PRORP: variants seen among roughly 807,000 people sequenced by gnomAD.
PRORP encodes mitochondrial ribonuclease P catalytic subunit.
Under a neutral mutation model 59.4 loss-of-function variants are expected in PRORP, and 51 were observed. That is an observed-to-expected ratio of 0.86 (90% confidence interval 0.69 to 1.08). PRORP has a LOEUF of 1.08. Ranked by LOEUF, PRORP falls within the 50% of genes least tolerant of loss-of-function variation. The pLI is 0.00. For missense variants in PRORP, 646 were observed against 690.3 expected, an observed-to-expected ratio of 0.94 and a Z score of 0.72; for synonymous variants, 231 against 245.6, an observed-to-expected ratio of 0.94 and a Z score of 0.55.
intron 4 of PRORP, among the ~76,000 whole-genome samples, chr14:35,165,702 CAG>C (rs924042386): frequency 1.3e-5 from 2 of 151,232 alleles, no homozygotes; most frequent in African/African-American, 4.9e-5. Context: ...TTTTTGGAGA[CAG>C]AGTCTTGCTC....
At chr14:35,180,587 A>C (rs781597834) in intron 4 of PRORP, 83 bp from the exon 5 acceptor site, 1 of 720,224 alleles carries the variant, frequency 1.4e-6, no homozygotes. Flanking sequence ...TTATCAAAAC[A>C]ATAATAAAGG....
At position 35,127,516 on chromosome 14, in the gene PRORP, A is replaced by G. The variant is rs1324647189; in HGVS notation, c.1072A>G (p.Ile358Val). 6.2e-7 allele frequency: 1 copy of G among 1,613,036 alleles called. No individual in the cohort carries two copies. The highest frequency in any genetic ancestry group is 8.5e-7 in the Non-Finnish European group (1 of 1,179,240). Residue 358 changes from isoleucine (I) to valine (V), a missense_variant, in exon 4 of 8, where the codon ATT becomes GTT. Ile to Val is a conservative substitution (Grantham distance 29). Transcript: ENST00000534898. ...CSGCGKTIES[I>V]QLSPEEYECL... ...GGGCTGTGGAAAAACCATAGAGTCT[A>G]TTCAGCTGAGTCCAGAAGAATATGA...
chr14:35,153,655 C>G (rs540323544), intron 4 of PRORP, among the ~76,000 whole-genome samples: 1 of 152,248 alleles, frequency 6.6e-6, no homozygotes, highest in East Asian at 1.9e-4. Flanking sequence ...ATGAAGGAAA[C>G]TGTATACTAT....
At chr14:35,162,482 G>A (rs561185591) in intron 4 of PRORP, among the ~76,000 whole-genome samples, 12 of 152,112 alleles carry the variant, frequency 7.9e-5, no homozygotes, top group African/African-American at 2.9e-4. Flanking sequence ...GGTTTAAGAG[G>A]CACTTATATT....
chr14:35,201,571 T>C (rs1353388090), intron 5 of PRORP, among the ~76,000 whole-genome samples: 4 of 151,072 alleles, frequency 2.6e-5, no homozygotes, highest in Admixed American at 2.6e-4. Flanking sequence ...GTTTCTTTAT[T>C]ATTTTTTTTT....
intron 4 of PRORP, among the ~76,000 whole-genome samples, chr14:35,177,363 CG>C (rs1331654600): frequency 2.6e-5 from 4 of 151,744 alleles, no homozygotes; most frequent in Non-Finnish European, 1.5e-5. Context: ...GCTGTGAATC[CG>C]TCTGGTCCTG....
At chr14:35,239,493 C>G (rs1264978237) in intron 5 of PRORP, among the ~76,000 whole-genome samples, 1 of 151,982 alleles carries the variant, frequency 6.6e-6, no homozygotes, top group African/African-American at 2.4e-5. Context: ...TGAATACCAG[C>G]TTATAATTAA....
At chr14:35,122,274 C>T (rs180681377), upstream of PRORP, 209 of 359,140 alleles carry the variant, frequency 5.8e-4, no homozygotes, top group African/African-American at 4.1e-3. Flanking sequence ...TATCGTGTGC[C>T]TTTGGCGCGT....
intron 5 of PRORP, among the ~76,000 whole-genome samples, chr14:35,243,059 T>C (rs537997294): frequency 1.6e-3 from 248 of 152,344 alleles, no homozygotes; most frequent in African/African-American, 5.8e-3. Flanking sequence ...GGAATTTATG[T>C]CTTGTTTATC....
chr14:35,272,021 G>A (rs1486219396), intron 7 of PRORP, among the ~76,000 whole-genome samples: 5 of 146,544 alleles, frequency 3.4e-5, no homozygotes, highest in African/African-American at 1.0e-4. Context: ...GCGAGACTCC[G>A]TCTCAAAAAA....
At chr14:35,250,418 T>G (rs2050587155) in intron 5 of PRORP, among the ~76,000 whole-genome samples, 1 of 152,126 alleles carries the variant, frequency 6.6e-6, no homozygotes, top group Non-Finnish European at 1.5e-5. Flanking sequence ...ATTCCTGAGT[T>G]TAGGGATCTG....
chr14:35,258,395 A>G (rs1372635671), intron 5 of PRORP, among the ~76,000 whole-genome samples: 1 of 152,230 alleles, frequency 6.6e-6, no homozygotes, highest in Non-Finnish European at 1.5e-5. Context: ...TAATCAGAAT[A>G]AAGAAAATGC....
At chr14:35,150,359 C>A (rs2047714435) in intron 4 of PRORP, among the ~76,000 whole-genome samples, 1 of 152,144 alleles carries the variant, frequency 6.6e-6, no homozygotes, top group Non-Finnish European at 1.5e-5. Context: ...GTGGAGCAAT[C>A]AGAAGTCACA....
At chr14:35,173,225 C>T (rs1595239166) in intron 4 of PRORP, among the ~76,000 whole-genome samples, 1 of 152,192 alleles carries the variant, frequency 6.6e-6, no homozygotes, top group South Asian at 2.1e-4. Flanking sequence ...TTCTGTATTT[C>T]TTTTCATGTT....
At chr14:35,140,544 T>C (rs2047460530) in intron 4 of PRORP, among the ~76,000 whole-genome samples, 1 of 145,954 alleles carries the variant, frequency 6.9e-6, no homozygotes, top group African/African-American at 2.4e-5. Context: ...TTGGATTGTT[T>C]CATTATTGAG....
At position 35,273,844 on chromosome 14, in the gene PRORP, T is replaced by G; in HGVS notation, c.*278T>G. The G allele has an allele frequency of 4.5e-6, 1 of 224,208 alleles. No individual in the cohort carries two copies. Among genetic ancestry groups the G allele is most frequent in the Non-Finnish European group, 8.7e-6 (1 of 114,734 alleles). The allele number at this position is 224,208 out of a possible 1,614,324, so 13.9% of individuals were successfully genotyped here. ...CTCCTACTGGGCCAGCTATTCCACT[T>G]AGCTTGGGTGACTAATAGTGCTTTT... On this transcript the variant is annotated 3_prime_UTR_variant, in exon 8 of 8. Coordinates refer to ENST00000534898, the MANE Select transcript of PRORP (RefSeq NM_014672.4).
At chr14:35,220,265 A>G (rs2049736793) in intron 5 of PRORP, among the ~76,000 whole-genome samples, 2 of 152,226 alleles carry the variant, frequency 1.3e-5, no homozygotes, top group Admixed American at 1.3e-4. Flanking sequence ...TAGTCATGAC[A>G]CATTCGTCAT....
At position 35,122,954 on chromosome 14, in the gene PRORP, T is replaced by G. The variant is rs1355181549; in HGVS notation, c.-292T>G. On this transcript the variant is annotated splice_region_variant and 5_prime_UTR_variant, in exon 2 of 8. Coordinates refer to ENST00000534898, the MANE Select transcript of PRORP (RefSeq NM_014672.4). The stretch of plus-strand genomic sequence containing the variant: ...TCCGTCTTGTGCTTTTTCCTCAGGT[T>G]CATGAACTGGAATGTAAGAGGCACC... The G allele has an allele frequency of 1.2e-5, 4 of 343,420 alleles. No homozygotes were observed. Among genetic ancestry groups the G allele is most frequent in the South Asian group, 4.2e-5 (1 of 24,078 alleles). 21.3% of individuals were successfully genotyped at this position (343,420 alleles called of 1,614,324 possible). A position where few individuals can be genotyped will look rare whatever the true frequency, so the allele number is the denominator to read the frequency against.
At position 35,131,315 on chromosome 14, in the gene PRORP, A is replaced by G. The variant is rs183161658; in HGVS notation, c.1167+3704A>G. Among the ~76,000 whole-genome samples, 52 of 152,254 alleles carry G rather than the reference A, an allele frequency of 3.4e-4. 1 individual carries two copies. The highest frequency in any genetic ancestry group is 1.2e-3 in the African/African-American group (48 of 41,530). ...AGGTCTGGTGTTGATGTAATCTCTCAGCTTTTGTTTGTCTGGGAAAGTCTT... is the reference window on the plus strand; with the variant it reads ...AGGTCTGGTGTTGATGTAATCTCTCGGCTTTTGTTTGTCTGGGAAAGTCTT... On this transcript the variant is annotated intron_variant, in intron 4 of 7. Coordinates refer to ENST00000534898, the MANE Select transcript of PRORP (RefSeq NM_014672.4).
Sources: allele counts gnomAD v4.1 joint callset (sites outside exome capture counted in the v4.1 genomes callset), GRCh38; gene constraint gnomAD v4.1.1; transcripts MANE v1.5; gene names NCBI Gene and HGNC (gene_info 2026-07-23, HGNC 2026-07-21).